Variants in PUS10 observed in about 807,000 individuals in gnomAD.
The protein encoded by PUS10 is pseudouridine synthase 10.
PUS10 carries 59 observed loss-of-function variants against 75.0 expected under a neutral mutation model. That is an observed-to-expected ratio of 0.79 (90% confidence interval 0.64 to 0.98). PUS10 has a LOEUF of 0.98. PUS10 is among the 50% of genes least tolerant of loss of function. PUS10 has a pLI of 0.00. For missense variants in PUS10, 650 were observed against 614.4 expected, an observed-to-expected ratio of 1.06 and a Z score of -0.61; for synonymous variants, 219 against 211.6, an observed-to-expected ratio of 1.03 and a Z score of -0.30.
At chr2:60,986,311 A>G (rs571549536) in intron 4 of PUS10, among the ~76,000 whole-genome samples, 1 of 152,346 alleles carries the variant, frequency 6.6e-6, no homozygotes, top group Admixed American at 6.5e-5. Context: ...TACCACATGC[A>G]TTTGAATGTA....
chr2:60,954,046 G>A (rs542961830), intron 13 of PUS10, 36 bp downstream of exon 13: 3 of 1,610,258 alleles, frequency 1.9e-6, no homozygotes, highest in African/African-American at 2.7e-5. Context: ...CAGAATTGCA[G>A]AAACATGACG....
intron 13 of PUS10, 27 bp downstream of exon 13, chr2:60,954,055 C>T (rs769868542): frequency 7.0e-5 from 113 of 1,611,552 alleles, no homozygotes; most frequent in Admixed American, 1.0e-4. Flanking sequence ...AGAAACATGA[C>T]GATTTCCATG....
intron 4 of PUS10, among the ~76,000 whole-genome samples, chr2:60,994,114 C>T (rs1678297091): frequency 6.6e-6 from 1 of 151,620 alleles, no homozygotes; most frequent in South Asian, 2.1e-4. Flanking sequence ...AACTGACAAA[C>T]CTGGCCAAAG....
chr2:60,986,120 C>T (rs1156859863), intron 4 of PUS10, among the ~76,000 whole-genome samples: 1 of 152,050 alleles, frequency 6.6e-6, no homozygotes, highest in African/African-American at 2.4e-5. Context: ...ACCAGATTTT[C>T]AGGGACAATG....
At chr2:60,956,363 C>G (rs902182519) in intron 11 of PUS10, among the ~76,000 whole-genome samples, 12 of 152,168 alleles carry the variant, frequency 7.9e-5, no homozygotes, top group African/African-American at 2.9e-4. Flanking sequence ...AAGATGCAGA[C>G]TCCTTGGGGC....
chr2:60,945,724 T>G (rs1674906219), intron 16 of PUS10, among the ~76,000 whole-genome samples: 1 of 152,264 alleles, frequency 6.6e-6, no homozygotes, highest in African/African-American at 2.4e-5. Context: ...GGGGCAACTT[T>G]GTATTTCTCT....
chr2:60,956,647 A>G (rs946446236), intron 11 of PUS10, among the ~76,000 whole-genome samples: 1 of 152,196 alleles, frequency 6.6e-6, no homozygotes, highest in African/African-American at 2.4e-5. Flanking sequence ...ATTCAGACTA[A>G]AGGAGAAGCC....
At position 60,960,380 on chromosome 2, in the gene PUS10, C is replaced by T. The variant is rs555168326; in HGVS notation, c.1000+12G>A. 1.8e-5 allele frequency: 27 copies of T among 1,491,948 alleles called. No homozygotes were observed. Among genetic ancestry groups the T allele is most frequent in the African/African-American group, 8.8e-5 (6 of 67,932 alleles). The allele number at this position is 1,491,948 out of a possible 1,614,324, so 92.4% of individuals were successfully genotyped here. A position where few individuals can be genotyped will look rare whatever the true frequency, so the allele number is the denominator to read the frequency against. On this transcript the variant is annotated intron_variant, in intron 11 of 17. Coordinates refer to ENST00000316752, the MANE Select transcript of PUS10 (RefSeq NM_144709.4). ...AAAAAAGAAAGAAAAGTATGAAGATCGTAACACTTACTCTCTGCTTTAAAT... is the reference window on the plus strand; with the variant it reads ...AAAAAAGAAAGAAAAGTATGAAGATTGTAACACTTACTCTCTGCTTTAAAT...
At position 60,986,905 on chromosome 2, in the gene PUS10, A is replaced by G. The variant is rs535257059; in HGVS notation, c.469-15348T>C. Among the ~76,000 whole-genome samples, 19 of 152,354 alleles carry G rather than the reference A, an allele frequency of 1.2e-4. No individual in the cohort carries two copies. The East Asian group carries it at 2.5e-3, about 20-fold the overall frequency. ...TTGGGTGTTTCTTTCCCCATCTAGA[A>G]GACAGGAAAAAAGAGGTTTCTTGTA... On this transcript the variant is annotated intron_variant, in intron 4 of 17. Coordinates refer to ENST00000316752, the MANE Select transcript of PUS10 (RefSeq NM_144709.4).
chr2:60,989,387 C>T (rs75349774), intron 4 of PUS10, among the ~76,000 whole-genome samples: 2 of 152,094 alleles, frequency 1.3e-5, no homozygotes, highest in Admixed American at 6.6e-5. Flanking sequence ...TTGATTGAGT[C>T]TTTTGAGTCA....
At chr2:61,012,867 A>AATATATATAT (rs1559006783) in intron 1 of PUS10, among the ~76,000 whole-genome samples, 565 of 27,710 alleles carry the variant, frequency 0.02, 8 homozygotes, top group Middle Eastern at 0.033. Context: ...AAAAAAAAAA[A>AATATATATAT]ATATATATAT....
At chr2:60,977,585 G>C (rs1677112612) in intron 4 of PUS10, among the ~76,000 whole-genome samples, 1 of 152,170 alleles carries the variant, frequency 6.6e-6, no homozygotes, top group South Asian at 2.1e-4. Flanking sequence ...GGTAGTTTAA[G>C]AGGAAAATAT....
chr2:60,948,258 C>A, intron 15 of PUS10, 73 bp from the exon 16 acceptor site: 1 of 1,457,530 alleles, frequency 6.9e-7, no homozygotes, highest in South Asian at 1.2e-5. Context: ...TAGCCCTTCC[C>A]TCACCATCCA....
intron 4 of PUS10, among the ~76,000 whole-genome samples, chr2:60,976,150 T>C (rs936780828): frequency 2.6e-5 from 4 of 152,242 alleles, no homozygotes; most frequent in Non-Finnish European, 4.4e-5. Context: ...TGTGATGATT[T>C]AATGTGTTTG....
chr2:60,960,459 T>G lies in PUS10; in HGVS notation c.933A>C (p.Glu311Asp). ...CTTCCACTGAAGATTCCAGCTTCCTTTCTCCATCAATTATCCAAGGAGTTT... is the reference window on the plus strand; with the variant it reads ...CTTCCACTGAAGATTCCAGCTTCCTGTCTCCATCAATTATCCAAGGAGTTT... The part of the protein sequence containing the change: ...LPQTPWIIDG[E>D]RKLESSVEEL... The change falls in exon 11 of 18, where the codon GAA becomes GAC. Residue 311 changes from glutamate (E) to aspartate (D), a missense_variant. Transcript: ENST00000316752. The G allele has an allele frequency of 1.3e-6, 2 of 1,576,652 alleles. No individual in the cohort carries two copies. Among genetic ancestry groups the G allele is most frequent in the Non-Finnish European group, 1.7e-6 (2 of 1,166,370 alleles).
At chr2:60,954,671 T>A (rs1221367962) in intron 12 of PUS10, among the ~76,000 whole-genome samples, 3 of 152,244 alleles carry the variant, frequency 2.0e-5, no homozygotes, top group African/African-American at 7.2e-5. Context: ...TAAATGAAGA[T>A]GTACATTCTG....
Position 60,944,235 on chromosome 2 carries a change from C to G in PUS10, c.1551+774G>C, listed in dbSNP as rs1674802794. ...CCCTGCAACCTTGAGGGCACGATCACTGGCTGTACTGCAGGAGCTAATCTA... is the reference window on the plus strand; with the variant it reads ...CCCTGCAACCTTGAGGGCACGATCAGTGGCTGTACTGCAGGAGCTAATCTA... On this transcript the variant is annotated intron_variant, in intron 17 of 17. Coordinates refer to ENST00000316752, the MANE Select transcript of PUS10 (RefSeq NM_144709.4). 12 of 984,970 alleles carry G rather than the reference C, an allele frequency of 1.2e-5. No homozygotes were observed. In the South Asian group the frequency reaches 5.6e-4, roughly 46 times the overall value. The allele number at this position is 984,970 out of a possible 1,614,324, so 61.0% of individuals were successfully genotyped here.
intron 5 of PUS10, among the ~76,000 whole-genome samples, chr2:60,967,835 A>G (rs1676436485): frequency 6.6e-6 from 1 of 152,122 alleles, no homozygotes; most frequent in African/African-American, 2.4e-5. Context: ...TTTTAATGGC[A>G]TATAACACAA....
chr2:60,973,151 A>G (rs1463137196), intron 4 of PUS10, among the ~76,000 whole-genome samples: 3 of 152,076 alleles, frequency 2.0e-5, no homozygotes, highest in African/African-American at 7.2e-5. Context: ...CTCGCTCCCC[A>G]TCACCATCTC....
Sources: allele counts gnomAD v4.1 joint callset (sites outside exome capture counted in the v4.1 genomes callset), GRCh38; gene constraint gnomAD v4.1.1; transcripts MANE v1.5; gene names NCBI Gene and HGNC (gene_info 2026-07-23, HGNC 2026-07-21).